BIRC3: variants seen among roughly 807,000 people sequenced by gnomAD.
BIRC3 encodes baculoviral IAP repeat-containing protein 3.
A neutral mutation model predicts 59.0 loss-of-function variants in BIRC3; 26 were observed. The ratio of observed to expected loss-of-function variants is 0.44; its 90% CI spans 0.32 to 0.61. BIRC3 has a LOEUF of 0.61. Among genes scored for constraint, BIRC3 ranks in the 20% least tolerant of loss-of-function variants. The pLI, the probability that BIRC3 is intolerant of heterozygous loss-of-function variation, is 0.04. For missense variants in BIRC3, 641 were observed against 711.5 expected (o/e 0.90, Z 1.13); for synonymous variants, 243 against 249.2 (o/e 0.98, Z 0.24).
chr11:102,324,130 C>T lies in BIRC3; in HGVS notation c.-380C>T, dbSNP rs17885312. On this transcript the variant is annotated 5_prime_UTR_variant, in exon 2 of 9. Transcript: ENST00000263464. ...ATTACATCTTTGGGTTGATTGAATGCCACTGAAACATTCTAGTAGCCTGGA... is the reference window on the plus strand; with the variant it reads ...ATTACATCTTTGGGTTGATTGAATGTCACTGAAACATTCTAGTAGCCTGGA... 1 of 228,052 alleles carries T rather than the reference C, an allele frequency of 4.4e-6. No homozygotes were observed. Among genetic ancestry groups the T allele is most frequent in the Non-Finnish European group, 8.7e-6 (1 of 115,222 alleles). The allele number at this position is 228,052 out of a possible 1,614,324, so 14.1% of individuals were successfully genotyped here.
intron 1 of BIRC3, among the ~76,000 whole-genome samples, chr11:102,321,394 AC>A (rs1330394445): frequency 1.3e-5 from 2 of 152,084 alleles, no homozygotes; most frequent in Non-Finnish European, 2.9e-5. Context: ...TTGCTGTGTC[AC>A]CCAGGCTGGA....
At position 102,331,245 on chromosome 11, in the gene BIRC3, T is replaced by G; in HGVS notation, c.1324+4T>G. 1 of 1,602,980 alleles carries G rather than the reference T, an allele frequency of 6.2e-7. No homozygotes were observed. On this transcript the variant is annotated splice_donor_region_variant and intron_variant, in intron 6 of 8. Coordinates refer to ENST00000263464, the MANE Select transcript of BIRC3 (RefSeq NM_001165.5). ...GCAACTGAGGAAAAAGAATCAAGTATGTAGATTTATTAATACAGTCTATTT... is the reference window on the plus strand; with the variant it reads ...GCAACTGAGGAAAAAGAATCAAGTAGGTAGATTTATTAATACAGTCTATTT...
chr11:102,325,300 A>T lies in BIRC3; in HGVS notation c.791A>T (p.Asn264Ile), dbSNP rs775611041. 6.7e-5 allele frequency: 108 copies of T among 1,613,872 alleles called. No homozygotes were observed. The highest frequency in any genetic ancestry group is 4.5e-4 in the Admixed American group (27 of 59,972). The stretch of plus-strand genomic sequence containing the variant: ...GCAGCCCGCTTTAAAACATTCTTTA[A>T]CTGGCCCTCTAGTGTTCTAGTTAAT... ...THAARFKTFF[N>I]WPSSVLVNPE... The change falls in exon 2 of 9, where the codon AAC becomes ATC. Residue 264 changes from asparagine (N) to isoleucine (I), a missense_variant. Physicochemically the swap from Asn to Ile is moderately radical, Grantham distance 149. This residue lies in a region of BIRC3 where 329 missense variants were observed against 365.6 expected (regional missense o/e 0.90). Coordinates refer to ENST00000263464, the MANE Select transcript of BIRC3 (RefSeq NM_001165.5).
Position 102,336,933 on chromosome 11 carries a change from G to A in BIRC3, c.1646G>A (p.Arg549Gln), listed in dbSNP as rs373651361. 5.0e-6 allele frequency: 8 copies of A among 1,601,696 alleles called. No homozygotes were observed. The highest frequency in any genetic ancestry group is 1.1e-5 in the South Asian group (1 of 87,316). ...VSDLPVEEQL[R>Q]RLQEERTCKV... is the part of the protein sequence containing the mutation. ...GATCTACCAGTGGAAGAACAATTGC[G>A]GAGACTACAAGAAGAAAGAACATGT... is the stretch of plus-strand genomic sequence containing the variant. The change falls in exon 9 of 9, where the codon CGG becomes CAG. Residue 549 changes from arginine (R) to glutamine (Q), a missense_variant. Arg to Gln is a conservative substitution (Grantham distance 43). Around this residue, in one of 4 missense-constraint regions of BIRC3, gnomAD observed 41 missense variants for 73.4 expected, o/e 0.56. Coordinates refer to ENST00000263464, the MANE Select transcript of BIRC3 (RefSeq NM_001165.5).
rs1479657997 is a variant in BIRC3 at position 102,323,726 on chromosome 11, G to T, written c.-784G>T. ...ATTGTTTTGTTCTCCTTATTAGAAG[G>T]ATTGTAGAAAGAAAAAAATGACTAA... is the stretch of plus-strand genomic sequence containing the variant. On this transcript the variant is annotated 5_prime_UTR_variant, in exon 2 of 9. Coordinates refer to ENST00000263464, the MANE Select transcript of BIRC3 (RefSeq NM_001165.5). 5.0e-6 allele frequency: 1 copy of T among 200,014 alleles called. No homozygotes were observed. The highest frequency in any genetic ancestry group is 1.0e-5 in the Non-Finnish European group (1 of 97,244). The allele number at this position is 200,014 out of a possible 1,614,324, so 12.4% of individuals were successfully genotyped here.
rs559695960 is a variant in BIRC3, at chr11:102,328,748, TG to T, written c.1033-147del. 2.1e-3 allele frequency: 528 copies of T among 249,724 alleles called. 3 individuals are homozygous for T. The highest frequency in any genetic ancestry group is 0.011 in the African/African-American group (495 of 43,722). The allele number at this position is 249,724 out of a possible 1,614,324, so 15.5% of individuals were successfully genotyped here. On this transcript the variant is annotated intron_variant, in intron 4 of 8. Transcript: ENST00000263464. Reference sequence around the variant, plus strand: ...TCAAATATAAATGAAATATTGCTTTTGGTTAAAAAATTATTTTGCCAGTAAG... The same window carrying T: ...TCAAATATAAATGAAATATTGCTTTTGTTAAAAAATTATTTTGCCAGTAAG...
chr11:102,318,579 C>G (rs1217289873), intron 1 of BIRC3, among the ~76,000 whole-genome samples: 1 of 152,118 alleles, frequency 6.6e-6, no homozygotes, highest in Non-Finnish European at 1.5e-5. Context: ...TAGCGGGAGG[C>G]AGAAAGAAAA....
At chr11:102,326,359 G>A (rs1226825397) in intron 3 of BIRC3, among the ~76,000 whole-genome samples, 4 of 152,174 alleles carry the variant, frequency 2.6e-5, no homozygotes, top group Non-Finnish European at 2.9e-5. Flanking sequence ...TAGTCGCCAC[G>A]CAGCATTTTA....
chr11:102,330,950 A>G, intron 5 of BIRC3, 49 bp from the exon 6 acceptor site: 1 of 1,477,000 alleles, frequency 6.8e-7, no homozygotes, highest in Non-Finnish European at 9.0e-7. Flanking sequence ...TCAATTTTTA[A>G]GAAATATAAG....
chr11:102,324,892 C>A lies in BIRC3; in HGVS notation c.383C>A (p.Thr128Lys). The change falls in exon 2 of 9, where the codon ACA becomes AAA. Residue 128 changes from threonine (T) to lysine (K), a missense_variant. Transcript: ENST00000263464. ...TNSTHSLLPG[T>K]ENSGYFRGSY... Reference sequence around the variant, plus strand: ...TCCACACACTCATTACTTCCGGGTACAGAAAACAGTGGATATTTCCGTGGC... The same window carrying A: ...TCCACACACTCATTACTTCCGGGTAAAGAAAACAGTGGATATTTCCGTGGC... The A allele has an allele frequency of 6.2e-7, 1 of 1,614,204 alleles. No homozygotes were observed. Among genetic ancestry groups the A allele is most frequent in the Non-Finnish European group, 8.5e-7 (1 of 1,180,028 alleles).
intron 6 of BIRC3, among the ~76,000 whole-genome samples, chr11:102,334,990 C>T (rs1951181751): frequency 6.6e-6 from 1 of 152,132 alleles, no homozygotes; most frequent in Non-Finnish European, 1.5e-5. Flanking sequence ...CTTGTAATCC[C>T]AGCACTTTTG....
Position 102,337,057 on chromosome 11 carries a change from T to C in BIRC3, c.1770T>C (p.Ile590=), listed in dbSNP as rs1951204277. The C allele has an allele frequency of 6.3e-7, 1 of 1,589,062 alleles. No homozygotes were observed. Among genetic ancestry groups the C allele is most frequent in the African/African-American group, 1.4e-5 (1 of 73,642 alleles). Reference sequence around the variant, plus strand: ...CTCCTTCTTTAAGAAAGTGTCCTATTTGTAGGAGTACAATCAAGGGTACAG... The same window carrying C: ...CTCCTTCTTTAAGAAAGTGTCCTATCTGTAGGAGTACAATCAAGGGTACAG... ...DCAPSLRKCP[I]CRSTIKGTVR... The change falls in exon 9 of 9, where the codon ATT becomes ATC. Residue 590 remains isoleucine, a synonymous_variant. Transcript: ENST00000263464.
In BIRC3 at chr11:102,328,043, A is replaced by G. The variant is rs781333880; in HGVS notation, c.954-9A>G. The stretch of plus-strand genomic sequence containing the variant: ...TAATCCCTCAAATTTTATTTTCTTT[A>G]CATTTTAGGTGTGAGTACTTGATAA... On this transcript the variant is annotated splice_polypyrimidine_tract_variant and intron_variant, in intron 3 of 8. Transcript: ENST00000263464. 6.9e-6 allele frequency: 11 copies of G among 1,588,836 alleles called. 1 individual carries two copies. The highest frequency in any genetic ancestry group is 9.4e-6 in the Non-Finnish European group (11 of 1,168,970).
At chr11:102,320,593 A>G (rs1376309980) in intron 1 of BIRC3, among the ~76,000 whole-genome samples, 4 of 152,208 alleles carry the variant, frequency 2.6e-5, no homozygotes, top group Non-Finnish European at 4.4e-5. Flanking sequence ...AAATGAAAGC[A>G]TACTCTGTTT....
At chr11:102,335,800 T>C (rs1275539486) in intron 6 of BIRC3, among the ~76,000 whole-genome samples, 166 bp from the exon 7 acceptor site, 1 of 152,096 alleles carries the variant, frequency 6.6e-6, no homozygotes, top group Non-Finnish European at 1.5e-5. Flanking sequence ...ATAATAACAT[T>C]ATTATTAAGC....
Position 102,328,136 on chromosome 11 carries a change from G to A in BIRC3, c.1032+6G>A, listed in dbSNP as rs371939735. On this transcript the variant is annotated splice_donor_region_variant and intron_variant, in intron 4 of 8. Transcript: ENST00000263464. ...ACCCTCATCTACTTGAACAGGTAGG[G>A]CAAGTTCTTTTTTTAAATATTGGTT... 6.2e-7 allele frequency: 1 copy of A among 1,603,360 alleles called. No homozygotes were observed. The highest frequency in any genetic ancestry group is 2.3e-5 in the East Asian group (1 of 44,360).
intron 6 of BIRC3, among the ~76,000 whole-genome samples, chr11:102,332,116 G>C (rs1951148538): frequency 6.6e-6 from 1 of 152,182 alleles, no homozygotes; most frequent in Non-Finnish European, 1.5e-5. Flanking sequence ...CTTAGGACAA[G>C]TTGTTCATGT....
chr11:102,331,889 C>T (rs1951146074), intron 6 of BIRC3, among the ~76,000 whole-genome samples: 1 of 152,172 alleles, frequency 6.6e-6, no homozygotes, highest in African/African-American at 2.4e-5. Flanking sequence ...GATCCGCCCG[C>T]CTCGGCCTCC....
intron 6 of BIRC3, 58 bp downstream of exon 6, chr11:102,331,299 T>C: frequency 1.4e-6 from 2 of 1,456,128 alleles, no homozygotes; most frequent in Non-Finnish European, 1.8e-6. Context: ...AGTCTATATG[T>C]TATGAAAAAT....
Sources: allele counts gnomAD v4.1 joint callset (sites outside exome capture counted in the v4.1 genomes callset), GRCh38; gene constraint gnomAD v4.1.1; regional missense constraint gnomAD v4.1.1; transcripts MANE v1.5; gene names NCBI Gene and HGNC (gene_info 2026-07-23, HGNC 2026-07-21).